Variants in VTI1A observed in about 807,000 individuals in gnomAD.
VTI1A encodes vesicle transport through interaction with t-SNAREs homolog 1A.
Under a neutral mutation model 34.9 loss-of-function variants are expected in VTI1A, and 22 were observed. That is an observed-to-expected ratio of 0.63 (90% CI 0.45 to 0.90). The LOEUF is 0.90. VTI1A is among the 40% of genes least tolerant of loss of function. VTI1A has a pLI of 0.00. For missense variants in VTI1A, 268 were observed against 275.6 expected, an observed-to-expected ratio of 0.97 and a Z score of 0.20; for synonymous variants, 87 against 97.3, an observed-to-expected ratio of 0.89 and a Z score of 0.62.
chr10:112,535,050 T>A (rs538691774), intron 4 of VTI1A, among the ~76,000 whole-genome samples: 36 of 152,342 alleles, frequency 2.4e-4, no homozygotes, highest in African/African-American at 8.4e-4. Flanking sequence ...ATTAGAAGTC[T>A]TAATTCCAAA....
intron 7 of VTI1A, among the ~76,000 whole-genome samples, chr10:112,723,032 G>A (rs761507715): frequency 6.6e-5 from 10 of 152,154 alleles, no homozygotes; most frequent in Admixed American, 3.9e-4. Flanking sequence ...GCTTTGTGAC[G>A]TCAGGAAAGT....
At chr10:112,564,452 A>C (rs1226231582) in intron 5 of VTI1A, among the ~76,000 whole-genome samples, 1 of 152,076 alleles carries the variant, frequency 6.6e-6, no homozygotes, top group Admixed American at 6.6e-5. Context: ...TTTAAAAAAA[A>C]AAAAACACTC....
chr10:112,680,746 C>T (rs1246662474), intron 7 of VTI1A, among the ~76,000 whole-genome samples: 2 of 152,124 alleles, frequency 1.3e-5, no homozygotes, highest in East Asian at 1.9e-4. Context: ...ATTCCTGGGG[C>T]CTGGATGTGC....
intron 5 of VTI1A, among the ~76,000 whole-genome samples, chr10:112,663,099 CCTT>C (rs1186069205): frequency 6.6e-6 from 1 of 152,184 alleles, no homozygotes; most frequent in African/African-American, 2.4e-5. Flanking sequence ...CTGACGAGCT[CCTT>C]CTTTATTCCC....
At chr10:112,610,841 C>T (rs1404017908) in intron 5 of VTI1A, among the ~76,000 whole-genome samples, 1 of 152,168 alleles carries the variant, frequency 6.6e-6, no homozygotes, top group Non-Finnish European at 1.5e-5. Context: ...ATGACGTGAA[C>T]CCGGGAGGCG....
At chr10:112,716,776 A>G (rs1051044646) in intron 7 of VTI1A, among the ~76,000 whole-genome samples, 1 of 152,210 alleles carries the variant, frequency 6.6e-6, no homozygotes, top group Non-Finnish European at 1.5e-5. Context: ...TATTTTGCAT[A>G]TATTCCCAAA....
chr10:112,525,306 A>G (rs1850183562), intron 3 of VTI1A, among the ~76,000 whole-genome samples: 1 of 152,168 alleles, frequency 6.6e-6, no homozygotes, highest in Non-Finnish European at 1.5e-5. Context: ...TAAGATATGC[A>G]TTTGTGCAGC....
At position 112,570,306 on chromosome 10, in the gene VTI1A, C is replaced by G. The variant is rs1049680149; in HGVS notation, c.427+31976C>G. Among the ~76,000 whole-genome samples the G allele has an allele frequency of 2.0e-5, 3 of 151,942 alleles. No homozygotes were observed. In the East Asian group the frequency reaches 5.8e-4, roughly 29 times the overall value. On this transcript the variant is annotated intron_variant, in intron 5 of 7. Transcript: ENST00000393077. ...AAGGTTGCATATTTAAAGTCATTTT[C>G]CCTGCTTCCTTCATTTTCCCCCTGT...
intron 5 of VTI1A, among the ~76,000 whole-genome samples, chr10:112,566,623 T>C (rs1251675561): frequency 3.3e-5 from 5 of 152,114 alleles, no homozygotes; most frequent in Admixed American, 2.6e-4. Context: ...CTCTCTACTA[T>C]AATAATAGTA....
chr10:112,480,866 T>C lies in VTI1A; in HGVS notation c.264+16209T>C, dbSNP rs181675262. On this transcript the variant is annotated intron_variant, in intron 3 of 7. Coordinates refer to ENST00000393077, the MANE Select transcript of VTI1A (RefSeq NM_145206.4). The stretch of plus-strand genomic sequence containing the variant: ...CCCAGATGTTGTGATTTAATTGGCA[T>C]GGGGTGCAACTTGGGCATCAGAAGG... 2.0e-3 allele frequency among the ~76,000 whole-genome samples: 308 copies of C among 152,286 alleles called. 1 individual carries two copies. The highest frequency in any genetic ancestry group is 7.0e-3 in the African/African-American group (290 of 41,552).
chr10:112,752,340 C>T, intron 7 of VTI1A: 3 of 984,340 alleles, frequency 3.0e-6, no homozygotes, highest in Non-Finnish European at 3.6e-6. Flanking sequence ...TGATCCCCCT[C>T]TGTCTTTTCC....
chr10:112,531,125 G>A (rs534240547), intron 4 of VTI1A, among the ~76,000 whole-genome samples: 9 of 150,962 alleles, frequency 6.0e-5, no homozygotes, highest in Non-Finnish European at 7.4e-5. Context: ...GCGCGCGCGC[G>A]CATGAACCCT....
the VTI1A span, chr10:112,826,582 C>T: frequency 3.9e-5 from 6 of 152,196 alleles, no homozygotes; most frequent in Non-Finnish European, 8.8e-5. Flanking sequence ...TGCACCCATC[C>T]ATTTGAGTTT....
intron 5 of VTI1A, among the ~76,000 whole-genome samples, chr10:112,586,760 A>G (rs1416759765): frequency 1.3e-5 from 2 of 152,146 alleles, no homozygotes; most frequent in East Asian, 3.8e-4. Context: ...TAGCCATGGT[A>G]AAAAAGACCA....
intron 7 of VTI1A, among the ~76,000 whole-genome samples, chr10:112,806,511 C>T (rs1853085463): frequency 6.6e-6 from 1 of 151,902 alleles, no homozygotes. Flanking sequence ...GTCTCAAACT[C>T]CTGACCTCAA....
chr10:112,597,237 G>A (rs187080874), intron 5 of VTI1A, among the ~76,000 whole-genome samples: 7 of 152,170 alleles, frequency 4.6e-5, no homozygotes, highest in Admixed American at 2.0e-4. Flanking sequence ...GTTTTTTTGA[G>A]ACAGAATTTC....
intron 3 of VTI1A, among the ~76,000 whole-genome samples, chr10:112,517,018 A>G (rs1476388540): frequency 6.6e-6 from 1 of 152,118 alleles, no homozygotes; most frequent in Non-Finnish European, 1.5e-5. Flanking sequence ...CCTAGGTGAT[A>G]GTTTGAACAA....
chr10:112,512,064 C>T (rs1201812597), intron 3 of VTI1A, among the ~76,000 whole-genome samples: 1 of 152,056 alleles, frequency 6.6e-6, no homozygotes, highest in Non-Finnish European at 1.5e-5. Flanking sequence ...ATTTCTTTTC[C>T]TTTGGGTAGA....
At position 112,629,975 on chromosome 10, in the gene VTI1A, A is replaced by G. The variant is rs111759018; in HGVS notation, c.428-38243A>G. Among the ~76,000 whole-genome samples the G allele has an allele frequency of 6.6e-3, 998 of 152,308 alleles. 12 individuals are homozygous for G. The highest frequency in any genetic ancestry group is 0.023 in the African/African-American group (955 of 41,558). On this transcript the variant is annotated intron_variant, in intron 5 of 7. Transcript: ENST00000393077. The stretch of plus-strand genomic sequence containing the variant: ...CAGTATTTAAAAAAAATATGGTTTT[A>G]TAGTATTAAAACTGAGAGTAGAGTT...
Sources: allele counts gnomAD v4.1 joint callset (sites outside exome capture counted in the v4.1 genomes callset), GRCh38; gene constraint gnomAD v4.1.1; transcripts MANE v1.5; gene names NCBI Gene and HGNC (gene_info 2026-07-23, HGNC 2026-07-21).